The following ORC4 variants were observed in gnomAD, a reference collection of about 807,000 sequenced individuals.
ORC4 encodes origin recognition complex, subunit 4 homolog.
ORC4 carries 55 observed loss-of-function variants against 63.9 expected under a neutral mutation model. The ratio of observed to expected loss-of-function variants is 0.86; its 90% confidence interval spans 0.69 to 1.08. The LOEUF is 1.08. Ranked by LOEUF, ORC4 falls within the 50% of genes least tolerant of loss-of-function variation. The pLI is 0.00. For synonymous variants in ORC4, 150 were observed against 168.5 expected (o/e 0.89, Z 0.85); for missense variants, 511 against 504.4 (o/e 1.01, Z -0.13).
At chr2:147,950,770 AAAAAAAAAAGAAAAAG>A (rs1394810984) in intron 8 of ORC4, among the ~76,000 whole-genome samples, 3 of 151,530 alleles carry the variant, frequency 2.0e-5, no homozygotes, top group African/African-American at 7.3e-5. Flanking sequence ...ATCTCAAAAA[AAAAAAAAAAGAAAAAG>A]AAAAAAAATT....
rs1573735648 is a variant in ORC4 at position 147,935,268 on chromosome 2, A to C, written c.*242T>G. On this transcript the variant is annotated 3_prime_UTR_variant, in exon 14 of 14. Transcript: ENST00000392857. ...TAAAAAAGCACATGGTCTAGTCCCT[A>C]AAACAGTCATATTTTATTCTTCTGA... is the stretch of plus-strand genomic sequence containing the variant. 1.9e-6 allele frequency: 1 copy of C among 521,308 alleles called. No individual in the cohort carries two copies. The highest frequency in any genetic ancestry group is 3.5e-5 in the East Asian group (1 of 28,786). The allele number at this position is 521,308 out of a possible 1,614,324, so 32.3% of individuals were successfully genotyped here.
At chr2:147,989,493 G>A (rs1401170128) in intron 1 of ORC4, among the ~76,000 whole-genome samples, 2 of 152,118 alleles carry the variant, frequency 1.3e-5, no homozygotes, top group Non-Finnish European at 2.9e-5. Flanking sequence ...ATCACTTGAG[G>A]TCAGGAGTTT....
chr2:148,014,516 T>G (rs370922199), intron 1 of ORC4, among the ~76,000 whole-genome samples: 1 of 152,018 alleles, frequency 6.6e-6, no homozygotes, highest in Admixed American at 6.6e-5. Context: ...CAACTGGTAC[T>G]CAAGGCACAC....
intron 2 of ORC4, 138 bp downstream of exon 2, chr2:147,975,764 G>A (rs1291542527): frequency 5.8e-6 from 4 of 686,742 alleles, no homozygotes; most frequent in Middle Eastern, 3.9e-4. Context: ...TTAAGGTCTC[G>A]TACTGATATC....
rs187615409 is a variant in ORC4 at position 148,011,324 on chromosome 2, T to C, written c.-18+9309A>G. Reference sequence around the variant, plus strand: ...GGATGTAAGGATGGTTCAACATATGTAAATCAATCAGTGTGATACATGGTA... The same window carrying C: ...GGATGTAAGGATGGTTCAACATATGCAAATCAATCAGTGTGATACATGGTA... On this transcript the variant is annotated intron_variant, in intron 1 of 13. Coordinates refer to ENST00000392857, the MANE Select transcript of ORC4 (RefSeq NM_181741.4). 2.0e-5 allele frequency among the ~76,000 whole-genome samples: 3 copies of C among 152,308 alleles called. No homozygotes were observed. The East Asian group carries it at 5.8e-4, about 29-fold the overall frequency.
chr2:147,952,399 C>T lies in ORC4; in HGVS notation c.562G>A (p.Ala188Thr). 1 of 1,607,294 alleles carries T rather than the reference C, an allele frequency of 6.2e-7. No homozygotes were observed. Among genetic ancestry groups the T allele is most frequent in the Non-Finnish European group, 8.5e-7 (1 of 1,174,128 alleles). The change falls in exon 8 of 14, where the codon GCA becomes ACA. Residue 188 changes from alanine (A) to threonine (T), a missense_variant. Physicochemically the swap from Ala to Thr is moderately conservative, Grantham distance 58 (BLOSUM62 0). Transcript: ENST00000392857. ...AATCTACATGTAAGACCAATAACTG[C>T]TATTGGGGTCTGTGCAGACTGAGAA... ...DISQSAQTPI[A>T]VIGLTCRLDI...
Position 147,931,124 on chromosome 2 carries a change from G to GC in ORC4, c.*4385_*4386insG. On this transcript the variant is annotated 3_prime_UTR_variant, in exon 14 of 14. Coordinates refer to ENST00000392857, the MANE Select transcript of ORC4 (RefSeq NM_181741.4). ...ATGCGGTGTTTGGTTTTTTGTTCTT[G>GC]TGATAGTTTACTGAGAATGATGATT... 1.4e-5 allele frequency: 2 copies of GC among 147,810 alleles called. No individual in the cohort carries two copies. Among genetic ancestry groups the GC allele is most frequent in the South Asian group, 2.2e-4 (1 of 4,590 alleles). The allele number at this position is 147,810 out of a possible 1,614,324, so 9.2% of individuals were successfully genotyped here.
rs1032831155 is a variant in ORC4, at chr2:147,999,352, G to A, written c.-18+21281C>T. Among the ~76,000 whole-genome samples the A allele has an allele frequency of 5.3e-5, 8 of 152,300 alleles. 1 individual carries two copies. The highest frequency in any genetic ancestry group is 1.7e-4 in the African/African-American group (7 of 41,580). On this transcript the variant is annotated intron_variant, in intron 1 of 13. Coordinates refer to ENST00000392857, the MANE Select transcript of ORC4 (RefSeq NM_181741.4). ...TTAAGAGAGTGTTTATATATTGAAC[G>A]TTGAGGCCCCCTAGCTCTCTTCTTT... is the stretch of plus-strand genomic sequence containing the variant.
chr2:147,983,937 A>T (rs1181161903), intron 1 of ORC4, among the ~76,000 whole-genome samples: 1 of 152,242 alleles, frequency 6.6e-6, no homozygotes, highest in African/African-American at 2.4e-5. Flanking sequence ...CCAGACAGTG[A>T]GAAAGATGCA....
chr2:148,007,320 G>A (rs1477667158), intron 1 of ORC4, among the ~76,000 whole-genome samples: 3 of 152,136 alleles, frequency 2.0e-5, no homozygotes, highest in Non-Finnish European at 2.9e-5. Flanking sequence ...ATTCAAAATA[G>A]CGGTCTTGAG....
chr2:147,970,622 A>C (rs907654937), intron 4 of ORC4, among the ~76,000 whole-genome samples: 1 of 151,688 alleles, frequency 6.6e-6, no homozygotes. Context: ...TTGCAAAAAA[A>C]AAAAAGAAAA....
At position 147,935,428 on chromosome 2, in the gene ORC4, G is replaced by T; in HGVS notation, c.*82C>A. ...TACAAGAATGTTTATAGAATGTTTAGCATATCATGTTAATGGACAATAGTT... is the reference window on the plus strand; with the variant it reads ...TACAAGAATGTTTATAGAATGTTTATCATATCATGTTAATGGACAATAGTT... On this transcript the variant is annotated 3_prime_UTR_variant, in exon 14 of 14. Coordinates refer to ENST00000392857, the MANE Select transcript of ORC4 (RefSeq NM_181741.4). 2 of 994,934 alleles carry T rather than the reference G, an allele frequency of 2.0e-6. No individual in the cohort carries two copies. The highest frequency in any genetic ancestry group is 3.2e-6 in the Non-Finnish European group (2 of 624,208). The allele number at this position is 994,934 out of a possible 1,614,324, so 61.6% of individuals were successfully genotyped here. A position where few individuals can be genotyped will look rare whatever the true frequency, so the allele number is the denominator to read the frequency against.
rs537708211 is a variant in ORC4, at chr2:147,989,709, A to C, written c.-17-13734T>G. On this transcript the variant is annotated intron_variant, in intron 1 of 13. Transcript: ENST00000392857. ...GGCAATAGGGCGAGACTCATCTCAA[A>C]AACAACAACAATAGGAACAACAACA... 3.9e-3 allele frequency among the ~76,000 whole-genome samples: 599 copies of C among 152,156 alleles called. 10 individuals are homozygous for C. Among genetic ancestry groups the C allele is most frequent in the African/African-American group, 0.013 (558 of 41,430 alleles).
chr2:147,949,184 A>G (rs1688817979), intron 8 of ORC4, among the ~76,000 whole-genome samples: 1 of 151,954 alleles, frequency 6.6e-6, no homozygotes, highest in African/African-American at 2.4e-5. Context: ...TAATAGCTTA[A>G]GAAATATAAA....
At chr2:147,999,460 T>C (rs1692173532) in intron 1 of ORC4, among the ~76,000 whole-genome samples, 1 of 152,180 alleles carries the variant, frequency 6.6e-6, no homozygotes, top group African/African-American at 2.4e-5. Flanking sequence ...TTGATTGTTC[T>C]TCGTTGTTGG....
intron 1 of ORC4, among the ~76,000 whole-genome samples, chr2:148,011,783 AC>A (rs1692983107): frequency 6.6e-6 from 1 of 152,186 alleles, no homozygotes; most frequent in Non-Finnish European, 1.5e-5. Context: ...AAATCAACAC[AC>A]AAAAATCCAT....
chr2:147,989,505 A>T (rs924091039), intron 1 of ORC4, among the ~76,000 whole-genome samples: 8 of 152,174 alleles, frequency 5.3e-5, no homozygotes, highest in Admixed American at 1.3e-4. Context: ...CAGGAGTTTG[A>T]GACGAGCCTG....
intron 6 of ORC4, among the ~76,000 whole-genome samples, chr2:147,955,668 G>C (rs910190807): frequency 2.6e-5 from 4 of 151,680 alleles, no homozygotes; most frequent in African/African-American, 9.7e-5. Context: ...AAAAAGAAAA[G>C]TAAGAAATTT....
chr2:148,013,497 T>C (rs975850514), intron 1 of ORC4, among the ~76,000 whole-genome samples: 1 of 152,110 alleles, frequency 6.6e-6, no homozygotes, highest in African/African-American at 2.4e-5. Context: ...AGGAATAAAA[T>C]ATAGTGTTCA....
Sources: allele counts gnomAD v4.1 joint callset (sites outside exome capture counted in the v4.1 genomes callset), GRCh38; gene constraint gnomAD v4.1.1; transcripts MANE v1.5; gene names NCBI Gene and HGNC (gene_info 2026-07-23, HGNC 2026-07-21).